MAGI1: variants seen among roughly 807,000 people sequenced by gnomAD.
The protein encoded by MAGI1 is membrane associated guanylate kinase, WW and PDZ domain containing 1.
In MAGI1, 58 loss-of-function variants were observed where a neutral mutation model predicts 139.9. That is an observed-to-expected ratio of 0.41 (90% confidence interval 0.34 to 0.52). MAGI1 has a LOEUF of 0.52. MAGI1 is among the 20% of genes least tolerant of loss of function. The probability of loss-of-function intolerance (pLI) is 0.12; values close to 1 mark genes in which losing one functional copy is unlikely to be tolerated. For synonymous variants in MAGI1, 812 were observed against 737.9 expected (o/e 1.10, Z -1.63); for missense variants, 1,874 against 1,901.6 (o/e 0.99, Z 0.27).
At chr3:65,822,463 G>A (rs570099025) in intron 1 of MAGI1, among the ~76,000 whole-genome samples, 1 of 152,176 alleles carries the variant, frequency 6.6e-6, no homozygotes, top group Non-Finnish European at 1.5e-5. Context: ...AGGAGGCGGA[G>A]GTCGCAGTGA....
chr3:65,607,208 A>T (rs2082787889), intron 2 of MAGI1, among the ~76,000 whole-genome samples: 1 of 151,406 alleles, frequency 6.6e-6, no homozygotes, highest in Admixed American at 6.6e-5. Flanking sequence ...GACATCCAAG[A>T]ATAGTGCCTC....
At chr3:65,368,137 A>C (rs75993375) in intron 18 of MAGI1, among the ~76,000 whole-genome samples, 9,277 of 152,276 alleles carry the variant, frequency 0.061, 863 homozygotes, top group East Asian at 0.33. Flanking sequence ...GCTTTATCCC[A>C]AAGCAAAATT....
intron 1 of MAGI1, among the ~76,000 whole-genome samples, chr3:65,928,633 A>G (rs2062642250): frequency 6.6e-6 from 1 of 152,194 alleles, no homozygotes; most frequent in African/African-American, 2.4e-5. Context: ...AAAGACTAAA[A>G]TTCTATAGTA....
At chr3:65,990,492 G>C (rs1260722933) in intron 1 of MAGI1, among the ~76,000 whole-genome samples, 3 of 152,180 alleles carry the variant, frequency 2.0e-5, no homozygotes, top group African/African-American at 4.8e-5. Context: ...ATAGCTGTCA[G>C]GCCATTCTCA....
At chr3:65,688,168 C>A (rs2088231192) in intron 1 of MAGI1, 1 of 766,520 alleles carries the variant, frequency 1.3e-6, no homozygotes, top group Non-Finnish European at 2.3e-6. Context: ...ATCACTGACC[C>A]CCGTGAGAGC....
chr3:65,526,425 C>G (rs1323090808), intron 2 of MAGI1, among the ~76,000 whole-genome samples: 1 of 152,206 alleles, frequency 6.6e-6, no homozygotes, highest in Non-Finnish European at 1.5e-5. Flanking sequence ...CTCTTACTTG[C>G]AACGTATGTT....
chr3:65,940,601 T>C (rs2063264603), intron 1 of MAGI1, among the ~76,000 whole-genome samples: 1 of 152,178 alleles, frequency 6.6e-6, no homozygotes, highest in South Asian at 2.1e-4. Context: ...ACATTGAGGG[T>C]TATGATTTCA....
intron 1 of MAGI1, among the ~76,000 whole-genome samples, chr3:65,933,820 G>A (rs13327063): frequency 1.3e-5 from 2 of 152,134 alleles, no homozygotes; most frequent in Non-Finnish European, 2.9e-5. Flanking sequence ...GCAAATAAAT[G>A]TATTATAAAC....
In MAGI1 at chr3:65,804,533, G is replaced by A. The variant is rs188835742; in HGVS notation, c.314-182445C>T. On this transcript the variant is annotated intron_variant, in intron 1 of 22. Transcript: ENST00000402939. ...TATACTGATATAAATTGATATTTAC[G>A]TTATTAAATCAAGTTTAGCCTAAAG... is the stretch of plus-strand genomic sequence containing the variant. Among the ~76,000 whole-genome samples the A allele has an allele frequency of 2.4e-3, 357 of 151,720 alleles. 2 individuals carry two copies. The highest frequency in any genetic ancestry group is 2.5e-3 in the Non-Finnish European group (167 of 67,966).
intron 1 of MAGI1, among the ~76,000 whole-genome samples, chr3:65,945,131 A>G (rs114593337): frequency 0.015 from 2,231 of 152,344 alleles, 31 homozygotes; most frequent in East Asian, 0.042. Context: ...CCTTTTTAAA[A>G]TGCAGAGTCT....
intron 2 of MAGI1, among the ~76,000 whole-genome samples, chr3:65,518,919 A>C (rs1284348001): frequency 6.6e-6 from 1 of 152,160 alleles, no homozygotes; most frequent in Non-Finnish European, 1.5e-5. Context: ...GGAAATTTTC[A>C]ATGGTAGAAG....
chr3:65,443,458 A>G (rs1948478645), intron 7 of MAGI1, among the ~76,000 whole-genome samples: 1 of 152,182 alleles, frequency 6.6e-6, no homozygotes, highest in Non-Finnish European at 1.5e-5. Context: ...CTCACTATCT[A>G]AGGCGGATGA....
At chr3:65,419,336 C>G (rs1946480043) in intron 12 of MAGI1, among the ~76,000 whole-genome samples, 1 of 151,958 alleles carries the variant, frequency 6.6e-6, no homozygotes, top group African/African-American at 2.4e-5. Context: ...TATACACACA[C>G]AGTAAATATT....
chr3:65,360,006 C>T (rs1940642503), intron 22 of MAGI1: 1 of 985,384 alleles, frequency 1.0e-6, no homozygotes, highest in South Asian at 4.7e-5. Context: ...CAAAATACTT[C>T]CCCTGTGGTT....
At chr3:65,426,030 G>T (rs956091988) in intron 12 of MAGI1, among the ~76,000 whole-genome samples, 1 of 152,154 alleles carries the variant, frequency 6.6e-6, no homozygotes, top group African/African-American at 2.4e-5. Flanking sequence ...AGGGTAAAAA[G>T]CACTTTCCTG....
intron 7 of MAGI1, among the ~76,000 whole-genome samples, chr3:65,443,107 C>T (rs1318870227): frequency 1.3e-5 from 2 of 152,050 alleles, no homozygotes; most frequent in Non-Finnish European, 2.9e-5. Flanking sequence ...TATTCTAAAT[C>T]ACTATTAAAT....
intron 1 of MAGI1, among the ~76,000 whole-genome samples, chr3:65,720,810 T>C (rs1295445260): frequency 6.6e-6 from 1 of 151,916 alleles, no homozygotes; most frequent in Non-Finnish European, 1.5e-5. Flanking sequence ...AGTGTAGTGG[T>C]ACAATCTCAG....
chr3:65,591,272 G>C (rs189750060), intron 2 of MAGI1, among the ~76,000 whole-genome samples: 3 of 151,956 alleles, frequency 2.0e-5, no homozygotes, highest in Non-Finnish European at 4.4e-5. Flanking sequence ...TCTAGCAAAT[G>C]ACTATTCTGT....
intron 3 of MAGI1, among the ~76,000 whole-genome samples, chr3:65,482,351 T>G (rs909873554): frequency 1.3e-5 from 2 of 152,234 alleles, no homozygotes; most frequent in African/African-American, 4.8e-5. Context: ...TGCTATCACA[T>G]GTTTTCAGTC....
Sources: gnomAD v4.1 joint callset for allele counts (sites outside exome capture counted in the v4.1 genomes callset) on GRCh38, gnomAD v4.1.1 for gene constraint, MANE v1.5 for transcripts, NCBI Gene and HGNC (gene_info 2026-07-23, HGNC 2026-07-21) for gene names.